Variants in RPS6KA3 observed in about 807,000 individuals in gnomAD.
RPS6KA3 encodes ribosomal protein S6 kinase alpha-3.
Under a neutral mutation model 67.2 loss-of-function variants are expected in RPS6KA3, and 4 were observed. The observed-to-expected ratio is 0.06, with a 90% confidence interval of 0.03 to 0.14. The LOEUF (loss-of-function observed/expected upper bound fraction) is 0.14. Among genes scored for constraint, RPS6KA3 ranks in the 10% least tolerant of loss-of-function variants. The pLI is 1.00. For synonymous variants in RPS6KA3, 182 were observed against 183.7 expected (o/e 0.99, Z 0.07); for missense variants, 204 against 559.0 (o/e 0.36, Z 6.40).
At chrX:20,225,697 C>A (rs753492654) in intron 2 of RPS6KA3, among the ~76,000 whole-genome samples, 1 of 111,623 alleles carries the variant, frequency 9.0e-6, no homozygotes, top group South Asian at 3.8e-4. Context: ...GTGTTTGAAC[C>A]ATGATGGCTG....
chrX:20,264,093 A>G (rs1359801122), intron 1 of RPS6KA3, among the ~76,000 whole-genome samples: 1 of 112,547 alleles, frequency 8.9e-6, no homozygotes, highest in Non-Finnish European at 1.9e-5. Flanking sequence ...ACTGTCTTCA[A>G]TATTTCCAAA....
Position 20,163,012 on chromosome X carries a change from G to T in RPS6KA3, c.1793C>A (p.Ala598Asp). 1 of 1,198,962 alleles carries T rather than the reference G, an allele frequency of 8.3e-7. No individual in the cohort carries two copies. Among genetic ancestry groups the T allele is most frequent in the Non-Finnish European group, 1.1e-6 (1 of 884,197 alleles). The part of the protein sequence containing the change: ...EVLKRQGYDA[A>D]CDIWSLGVLL... Reference sequence around the variant, plus strand: ...GACACCAAGACTCCATATATCACAAGCAGCATCATAGCCTTGTCTTTTTAA... The same window carrying T: ...GACACCAAGACTCCATATATCACAATCAGCATCATAGCCTTGTCTTTTTAA... Residue 598 changes from alanine (A) to aspartate (D), a missense_variant, in exon 19 of 22, where the codon GCT becomes GAT. By Grantham distance (126) the Ala-to-Asp change is moderately radical. Around this residue, in one of 4 missense-constraint regions of RPS6KA3, gnomAD observed 73 missense variants for 241.1 expected, o/e 0.30. Transcript: ENST00000379565.
chrX:20,228,998 C>T (rs905769198), intron 2 of RPS6KA3, among the ~76,000 whole-genome samples: 13 of 111,759 alleles, frequency 1.2e-4, no homozygotes, highest in Admixed American at 9.5e-4. Context: ...GAGTACTTGG[C>T]ACCTAATAGA....
rs1250749344 is a variant in RPS6KA3, at chrX:20,155,382, T to C, written c.*16A>G. On this transcript the variant is annotated 3_prime_UTR_variant, in exon 22 of 22. Coordinates refer to ENST00000379565, the MANE Select transcript of RPS6KA3 (RefSeq NM_004586.3). ...TCAGCTTACACCATGGTACCAAATATCTCACTGAGGTCACTTCACAGGGCT... is the reference window on the plus strand; with the variant it reads ...TCAGCTTACACCATGGTACCAAATACCTCACTGAGGTCACTTCACAGGGCT... The C allele has an allele frequency of 8.3e-7, 1 of 1,208,250 alleles. No homozygotes were observed. The highest frequency in any genetic ancestry group is 1.1e-6 in the Non-Finnish European group (1 of 894,450).
intron 2 of RPS6KA3, among the ~76,000 whole-genome samples, chrX:20,221,770 C>T (rs773793727): frequency 1.8e-5 from 2 of 112,378 alleles, no homozygotes; most frequent in East Asian, 2.8e-4. Context: ...TGGGTCTTTG[C>T]TCTACACGAT....
At chrX:20,250,655 T>C (rs1008750834) in intron 1 of RPS6KA3, among the ~76,000 whole-genome samples, 3 of 112,471 alleles carry the variant, frequency 2.7e-5, no homozygotes, top group Non-Finnish European at 3.8e-5. Context: ...TTGTCTTCTT[T>C]AACCTTTTAA....
chrX:20,178,122 A>G lies in RPS6KA3; in HGVS notation c.846-1038T>C, dbSNP rs760421801. ...GTGCTGAGGATACAGAGATAAAGAG[A>G]GCCCATGAAACTCATGGTCCATGGT... On this transcript the variant is annotated intron_variant, in intron 10 of 21. Coordinates refer to ENST00000379565, the MANE Select transcript of RPS6KA3 (RefSeq NM_004586.3). Among the ~76,000 whole-genome samples the G allele has an allele frequency of 7.1e-5, 8 of 112,030 alleles. No individual in the cohort carries two copies. In the South Asian group the frequency reaches 3.0e-3, roughly 41 times the overall value.
chrX:20,238,404 ACT>A (rs750549529), intron 1 of RPS6KA3, among the ~76,000 whole-genome samples: 3 of 111,187 alleles, frequency 2.7e-5, no homozygotes, highest in African/African-American at 9.8e-5. Context: ...ACCTGTTGTT[ACT>A]CTTAGTTCCA....
intron 7 of RPS6KA3, among the ~76,000 whole-genome samples, chrX:20,191,340 T>C (rs1044890478): frequency 1.8e-5 from 2 of 111,818 alleles, no homozygotes; most frequent in Admixed American, 1.9e-4. Flanking sequence ...TACGTGTGCA[T>C]GTGTCTTTAT....
intron 20 of RPS6KA3, among the ~76,000 whole-genome samples, chrX:20,157,309 C>T (rs1158024762): frequency 1.9e-5 from 2 of 105,685 alleles, no homozygotes; most frequent in African/African-American, 6.9e-5. Context: ...GAAATGAAGT[C>T]TAGGCAACAT....
upstream of RPS6KA3, chrX:20,266,966 G>GCCCGCT: frequency 1.3e-6 from 1 of 742,887 alleles, no homozygotes; most frequent in South Asian, 6.8e-5. Flanking sequence ...CGGTTCCCGC[G>GCCCGCT]CCCGCTCCCA....
intron 10 of RPS6KA3, among the ~76,000 whole-genome samples, chrX:20,183,982 C>T (rs990594893): frequency 8.9e-6 from 1 of 112,597 alleles, no homozygotes; most frequent in African/African-American, 3.2e-5. Context: ...ACATTGGTTA[C>T]ATGCTGAAAT....
At chrX:20,197,244 T>G (rs1174480071) in intron 4 of RPS6KA3, among the ~76,000 whole-genome samples, 1 of 112,802 alleles carries the variant, frequency 8.9e-6, no homozygotes, top group Non-Finnish European at 1.9e-5. Context: ...ATTATTACCA[T>G]ACAATTTTGG....
chrX:20,155,675 CA>C (rs2067171597), intron 21 of RPS6KA3, among the ~76,000 whole-genome samples, 155 bp from the exon 22 acceptor site: 1 of 111,862 alleles, frequency 8.9e-6, no homozygotes, highest in African/African-American at 3.3e-5. Flanking sequence ...CTGACTTAAC[CA>C]AAACTGTAGA....
At chrX:20,206,691 A>T (rs1333655551) in intron 3 of RPS6KA3, among the ~76,000 whole-genome samples, 2 of 112,322 alleles carry the variant, frequency 1.8e-5, no homozygotes, top group Non-Finnish European at 3.8e-5. Flanking sequence ...CATGAAGATG[A>T]CGTATGTAAT....
chrX:20,212,810 T>C (rs1365329093), intron 2 of RPS6KA3, among the ~76,000 whole-genome samples: 1 of 111,743 alleles, frequency 8.9e-6, no homozygotes, highest in African/African-American at 3.3e-5. Flanking sequence ...ACACTTACTA[T>C]GTATCAAGCA....
intron 1 of RPS6KA3, among the ~76,000 whole-genome samples, chrX:20,251,643 A>G (rs2069872680): frequency 8.8e-6 from 1 of 113,344 alleles, no homozygotes; most frequent in Non-Finnish European, 1.9e-5. Context: ...GTCATAAAAC[A>G]TAACATAAAA....
Position 20,266,906 on chromosome X carries a change from T to G in RPS6KA3, c.-274A>C. 3.3e-6 allele frequency: 2 copies of G among 613,751 alleles called. No individual in the cohort carries two copies. Among genetic ancestry groups the G allele is most frequent in the Non-Finnish European group, 3.9e-6 (2 of 511,100 alleles). The allele number at this position is 613,751 out of a possible 1,213,427, so 50.6% of individuals were successfully genotyped here. ...CCGCTGGGCACCGGGTCTCGCCCCT[T>G]TCTTCCTCTCCTCCTTCCGCCGCCG... On this transcript the variant is annotated 5_prime_UTR_variant, in exon 1 of 22. Coordinates refer to ENST00000379565, the MANE Select transcript of RPS6KA3 (RefSeq NM_004586.3).
intron 17 of RPS6KA3, among the ~76,000 whole-genome samples, chrX:20,166,845 G>A (rs770134256): frequency 2.8e-5 from 3 of 108,392 alleles, no homozygotes; most frequent in Non-Finnish European, 5.7e-5. Context: ...AGCCTTCTGA[G>A]TAGCTGGGAT....
Sources: gnomAD v4.1 joint callset for allele counts (sites outside exome capture counted in the v4.1 genomes callset) on GRCh38, gnomAD v4.1.1 for gene constraint, gnomAD v4.1.1 regional missense constraint, MANE v1.5 for transcripts, NCBI Gene and HGNC (gene_info 2026-07-23, HGNC 2026-07-21) for gene names.